The following CCDC192 variants were observed in gnomAD, a reference collection of about 807,000 sequenced individuals.
The protein encoded by CCDC192 is coiled-coil domain containing 192.
At chr5:127,884,803 A>G (rs1031793046) in intron 6 of CCDC192, among the ~76,000 whole-genome samples, 2 of 152,186 alleles carry the variant, frequency 1.3e-5, no homozygotes, top group African/African-American at 4.8e-5. Flanking sequence ...CCACTGTTTT[A>G]TCTTGTCAGG....
intron 3 of CCDC192, among the ~76,000 whole-genome samples, chr5:127,776,931 G>T (rs2126923305): frequency 6.6e-6 from 1 of 152,362 alleles, no homozygotes; most frequent in East Asian, 1.9e-4. Context: ...TGTCCAGGAA[G>T]AAGTTTGCTG....
At chr5:127,880,707 C>T (rs1000982567) in intron 6 of CCDC192, among the ~76,000 whole-genome samples, 18 of 151,960 alleles carry the variant, frequency 1.2e-4, no homozygotes, top group African/African-American at 2.4e-4. Flanking sequence ...AGGCCAGGCA[C>T]GGTGGCTCAC....
At chr5:127,894,004 G>A (rs1003373221) in intron 6 of CCDC192, among the ~76,000 whole-genome samples, 1 of 150,960 alleles carries the variant, frequency 6.6e-6, no homozygotes, top group Non-Finnish European at 1.5e-5. Context: ...AAAAGATAAA[G>A]GAAAATTGCT....
chr5:127,852,916 C>T (rs1209777838), intron 5 of CCDC192, among the ~76,000 whole-genome samples: 10 of 152,048 alleles, frequency 6.6e-5, no homozygotes, highest in South Asian at 2.1e-4. Context: ...AGTGAAACCC[C>T]GTCTCTACTG....
chr5:127,739,498 C>G (rs930948388), intron 2 of CCDC192: 3 of 160,276 alleles, frequency 1.9e-5, no homozygotes, highest in Non-Finnish European at 2.7e-5. Context: ...CCTAATCAAG[C>G]CGGGGCAATG....
chr5:127,820,040 A>G (rs1309758556), intron 5 of CCDC192, among the ~76,000 whole-genome samples: 1 of 152,174 alleles, frequency 6.6e-6, no homozygotes, highest in African/African-American at 2.4e-5. Context: ...TTTCATCTTC[A>G]TACTCTTACT....
intron 6 of CCDC192, among the ~76,000 whole-genome samples, chr5:127,896,778 C>T (rs1322475779): frequency 5.3e-5 from 8 of 151,926 alleles, no homozygotes; most frequent in South Asian, 2.1e-4. Flanking sequence ...TCCTGTTTTG[C>T]GGTTTATTAA....
At chr5:127,770,638 A>G (rs746900815) in intron 3 of CCDC192, among the ~76,000 whole-genome samples, 59 of 152,268 alleles carry the variant, frequency 3.9e-4, no homozygotes, top group Non-Finnish European at 5.9e-4. Context: ...TTAATTTTAG[A>G]TGCTATATCA....
At chr5:127,826,023 T>C (rs1306412710) in intron 5 of CCDC192, among the ~76,000 whole-genome samples, 1 of 152,210 alleles carries the variant, frequency 6.6e-6, no homozygotes, top group Non-Finnish European at 1.5e-5. Context: ...TGAGGGTCAT[T>C]AGGTTAAACA....
At chr5:127,929,721 C>T (rs1313099151) in intron 6 of CCDC192, among the ~76,000 whole-genome samples, 1 of 152,186 alleles carries the variant, frequency 6.6e-6, no homozygotes, top group African/African-American at 2.4e-5. Context: ...ATTACTACAA[C>T]ATTGTTTTGT....
chr5:127,806,025 G>A (rs1757761237), intron 5 of CCDC192, among the ~76,000 whole-genome samples: 2 of 152,156 alleles, frequency 1.3e-5, no homozygotes, highest in Admixed American at 1.3e-4. Flanking sequence ...GATAGAATCA[G>A]CACTCTCTGA....
intron 5 of CCDC192, among the ~76,000 whole-genome samples, chr5:127,804,177 C>T (rs552256209): frequency 2.7e-4 from 41 of 152,366 alleles, no homozygotes; most frequent in Middle Eastern, 3.4e-3. Flanking sequence ...TGCTAATTGA[C>T]TTGTTCTTAC....
intron 3 of CCDC192, among the ~76,000 whole-genome samples, chr5:127,792,823 AAGAAGGAGG>A (rs542899649): frequency 0.025 from 3,727 of 150,922 alleles, 152 homozygotes; most frequent in African/African-American, 0.085. Context: ...GAAGAAGAAG[AAGAAGGAGG>A]AGGAGGAGGA....
At chr5:127,856,508 G>A (rs1349235997) in intron 5 of CCDC192, among the ~76,000 whole-genome samples, 1 of 152,190 alleles carries the variant, frequency 6.6e-6, no homozygotes, top group Admixed American at 6.5e-5. Flanking sequence ...TTTCCTTCAA[G>A]GACATTTCCT....
At chr5:127,898,846 A>C (rs566766140) in intron 6 of CCDC192, among the ~76,000 whole-genome samples, 5 of 152,236 alleles carry the variant, frequency 3.3e-5, no homozygotes, top group South Asian at 2.1e-4. Flanking sequence ...TTAGGACAAA[A>C]GTATGGTGTT....
intron 6 of CCDC192, among the ~76,000 whole-genome samples, chr5:127,939,110 C>CTTTTTTTTTTTTTTTTTTT (rs59545987): frequency 1.2e-5 from 1 of 83,620 alleles, no homozygotes; most frequent in Non-Finnish European, 2.2e-5. Flanking sequence ...AAACCAACAT[C>CTTTTTTTTTTTTTTTTTTT]TTTTTTTTTT....
At chr5:127,852,985 G>A (rs1170655138) in intron 5 of CCDC192, among the ~76,000 whole-genome samples, 1 of 152,148 alleles carries the variant, frequency 6.6e-6, no homozygotes, top group African/African-American at 2.4e-5. Context: ...AGCTACTCAG[G>A]AGGCTGAGGC....
intron 6 of CCDC192, among the ~76,000 whole-genome samples, chr5:127,895,528 G>A (rs1365991773): frequency 1.3e-5 from 2 of 152,102 alleles, no homozygotes; most frequent in African/African-American, 4.8e-5. Context: ...CAATTTGCAA[G>A]ATATTAAATA....
chr5:127,917,887 C>A (rs889794213), intron 6 of CCDC192, among the ~76,000 whole-genome samples: 2 of 152,106 alleles, frequency 1.3e-5, no homozygotes, highest in Non-Finnish European at 2.9e-5. Context: ...CACCTGTAAT[C>A]CCAGCACTTT....
Sources: allele counts gnomAD v4.1 joint callset (sites outside exome capture counted in the v4.1 genomes callset), GRCh38; gene constraint gnomAD v4.1.1; transcripts MANE v1.5; gene names NCBI Gene and HGNC (gene_info 2026-07-23, HGNC 2026-07-21).